Variants in CALCRL observed in about 807,000 individuals in gnomAD.
CALCRL encodes calcitonin gene-related peptide type 1 receptor.
CALCRL carries 27 observed loss-of-function variants against 60.4 expected under a neutral mutation model. The ratio of observed to expected loss-of-function variants is 0.45; its 90% CI spans 0.33 to 0.62. The LOEUF is 0.62. CALCRL is among the 20% of genes least tolerant of loss of function. CALCRL has a pLI of 0.03. For synonymous variants in CALCRL, 190 were observed against 182.6 expected, an observed-to-expected ratio of 1.04 and a Z score of -0.33; for missense variants, 424 against 540.7, an observed-to-expected ratio of 0.78 and a Z score of 2.14.
At chr2:187,442,302 C>A (rs1690957466) in intron 1 of CALCRL, among the ~76,000 whole-genome samples, 1 of 150,516 alleles carries the variant, frequency 6.6e-6, no homozygotes, top group Non-Finnish European at 1.5e-5. Flanking sequence ...CTTAACATAG[C>A]TAACAAAAAG....
chr2:187,413,184 G>A (rs1261346787), intron 1 of CALCRL, among the ~76,000 whole-genome samples: 1 of 152,010 alleles, frequency 6.6e-6, no homozygotes, highest in Non-Finnish European at 1.5e-5. Flanking sequence ...AAATGTAGGA[G>A]AAAAAGAGAC....
Position 187,420,097 on chromosome 2 carries a change from C to G in CALCRL, c.-293+27942G>C, listed in dbSNP as rs78596607. On this transcript the variant is annotated intron_variant, in intron 1 of 14. Coordinates refer to ENST00000392370, the MANE Select transcript of CALCRL (RefSeq NM_005795.6). ...AACAGATGCTAACATTTCAAGAAAG[C>G]CTTCAGGACAAGAACATTAAAAAAT... Among the ~76,000 whole-genome samples, 69 of 152,214 alleles carry G rather than the reference C, an allele frequency of 4.5e-4. 1 individual carries two copies. In the East Asian group the frequency reaches 0.011, roughly 23 times the overall value.
intron 6 of CALCRL, 37 bp downstream of exon 6, chr2:187,380,640 A>G (rs778238954): frequency 1.3e-6 from 2 of 1,578,582 alleles, no homozygotes; most frequent in Non-Finnish European, 1.7e-6. Context: ...TATTAAATAG[A>G]TGTCAAGGAG....
intron 7 of CALCRL, among the ~76,000 whole-genome samples, chr2:187,379,844 G>A (rs1404965473): frequency 6.6e-6 from 1 of 152,168 alleles, no homozygotes; most frequent in African/African-American, 2.4e-5. Context: ...AGGTCAAACA[G>A]CTGGTAAGAA....
intron 1 of CALCRL, among the ~76,000 whole-genome samples, chr2:187,407,088 G>GT (rs1409601767): frequency 2.6e-5 from 4 of 151,886 alleles, no homozygotes; most frequent in African/African-American, 4.8e-5. Context: ...ACTAGATAAA[G>GT]TTACGTCTGT....
chr2:187,356,313 G>C, intron 12 of CALCRL, among the ~76,000 whole-genome samples: 1 of 152,084 alleles, frequency 6.6e-6, no homozygotes, highest in Non-Finnish European at 1.5e-5. Flanking sequence ...CAGATACATA[G>C]ACCAATTAAA....
intron 14 of CALCRL, among the ~76,000 whole-genome samples, chr2:187,347,399 T>C (rs1477009806): frequency 6.6e-6 from 1 of 151,832 alleles, no homozygotes; most frequent in Non-Finnish European, 1.5e-5. Context: ...CCCCAAGCTC[T>C]CTATTGCTCT....
At chr2:187,363,030 A>T (rs927504170) in intron 9 of CALCRL, among the ~76,000 whole-genome samples, 13 of 152,162 alleles carry the variant, frequency 8.5e-5, no homozygotes, top group African/African-American at 2.9e-4. Context: ...TATGTGCCAT[A>T]GCAAGAGGAC....
intron 3 of CALCRL, among the ~76,000 whole-genome samples, chr2:187,386,658 G>A (rs1190089261): frequency 6.6e-6 from 1 of 151,964 alleles, no homozygotes; most frequent in Non-Finnish European, 1.5e-5. Context: ...ACCCTGTGAA[G>A]TCCAGGAGCA....
intron 1 of CALCRL, among the ~76,000 whole-genome samples, chr2:187,443,332 T>C (rs946268701): frequency 5.3e-5 from 8 of 151,820 alleles, no homozygotes; most frequent in African/African-American, 1.9e-4. Flanking sequence ...TGAAAATTTA[T>C]TGAATATGTA....
At chr2:187,430,266 C>T (rs1278446039) in intron 1 of CALCRL, among the ~76,000 whole-genome samples, 1 of 152,102 alleles carries the variant, frequency 6.6e-6, no homozygotes, top group Non-Finnish European at 1.5e-5. Flanking sequence ...TATAGAGGAT[C>T]TATTTTTGGG....
At chr2:187,363,111 T>A (rs1287694260) in intron 9 of CALCRL, among the ~76,000 whole-genome samples, 1 of 152,132 alleles carries the variant, frequency 6.6e-6, no homozygotes, top group Non-Finnish European at 1.5e-5. Flanking sequence ...ATTATTACAC[T>A]TTTTTATGTT....
intron 14 of CALCRL, among the ~76,000 whole-genome samples, chr2:187,347,741 T>A (rs1686347871): frequency 2.0e-5 from 3 of 151,762 alleles, no homozygotes; most frequent in East Asian, 3.9e-4. Context: ...ACTTCAGAGT[T>A]CCTGTTAAAG....
chr2:187,446,785 GAATT>G (rs1343847186), intron 1 of CALCRL, among the ~76,000 whole-genome samples: 1 of 151,730 alleles, frequency 6.6e-6, no homozygotes, highest in Non-Finnish European at 1.5e-5. Flanking sequence ...ACAAATCTAA[GAATT>G]AATTTAAATT....
chr2:187,365,144 C>G (rs958597884), intron 8 of CALCRL, among the ~76,000 whole-genome samples: 2 of 152,122 alleles, frequency 1.3e-5, no homozygotes, highest in African/African-American at 4.8e-5. Context: ...GAAAGACAAT[C>G]GTATTTTTGA....
chr2:187,392,509 T>C (rs1027552884), intron 1 of CALCRL, among the ~76,000 whole-genome samples: 1 of 152,136 alleles, frequency 6.6e-6, no homozygotes, highest in African/African-American at 2.4e-5. Flanking sequence ...ATAAACACTC[T>C]ACTCCAATCG....
intron 1 of CALCRL, among the ~76,000 whole-genome samples, chr2:187,432,254 C>T (rs999562412): frequency 6.6e-6 from 1 of 152,140 alleles, no homozygotes; most frequent in African/African-American, 2.4e-5. Context: ...CAGGCTCAAA[C>T]TAATGTTGAA....
chr2:187,415,782 T>G (rs1219393641), intron 1 of CALCRL: 1 of 466,006 alleles, frequency 2.1e-6, no homozygotes, highest in Non-Finnish European at 3.9e-6. Flanking sequence ...TTTCCTTGTA[T>G]GACAATGAAT....
chr2:187,361,966 A>C lies in CALCRL; in HGVS notation c.628-1215T>G, dbSNP rs56371082. On this transcript the variant is annotated intron_variant, in intron 9 of 14. Coordinates refer to ENST00000392370, the MANE Select transcript of CALCRL (RefSeq NM_005795.6). ...TTATATTAAAGTTCACTCAAAGGTG[A>C]AAATGAGATAGTCTACTATATGGAG... 1.7e-3 allele frequency among the ~76,000 whole-genome samples: 266 copies of C among 152,100 alleles called. 3 individuals carry two copies. The highest frequency in any genetic ancestry group is 6.2e-3 in the African/African-American group (256 of 41,566).
Sources: gnomAD v4.1 joint callset for allele counts (sites outside exome capture counted in the v4.1 genomes callset) on GRCh38, gnomAD v4.1.1 for gene constraint, MANE v1.5 for transcripts, NCBI Gene and HGNC (gene_info 2026-07-23, HGNC 2026-07-21) for gene names.